ADAMTS13: variants seen among roughly 807,000 people sequenced by gnomAD.
ADAMTS13 encodes ADAM metallopeptidase with thrombospondin type 1 motif 13.
ADAMTS13 carries 110 observed loss-of-function variants against 155.1 expected under a neutral mutation model. The observed-to-expected ratio is 0.71, with a 90% CI of 0.61 to 0.83. ADAMTS13 has a LOEUF of 0.83. Ranked by LOEUF, ADAMTS13 falls within the 40% of genes least tolerant of loss-of-function variation. ADAMTS13 has a pLI of 0.00. For synonymous variants in ADAMTS13, 758 were observed against 756.4 expected (o/e 1.00, Z -0.03); for missense variants, 1,707 against 1,891.7 (o/e 0.90, Z 1.81).
At chr9:133,437,002 A>G in intron 12 of ADAMTS13, 47 bp downstream of exon 12, 2 of 1,571,846 alleles carry the variant, frequency 1.3e-6, no homozygotes, top group Non-Finnish European at 1.7e-6. Context: ...AGCCCTGGAG[A>G]CCCTCGGACA....
intron 2 of ADAMTS13, 150 bp downstream of exon 2, chr9:133,423,317 A>G (rs1840075327): frequency 1.3e-6 from 1 of 750,836 alleles, no homozygotes; most frequent in South Asian, 1.6e-5. Context: ...TAACTCTGTT[A>G]CTTCCTGCCA....
At chr9:133,433,826 T>G in intron 11 of ADAMTS13, 122 bp downstream of exon 11, 1 of 1,228,498 alleles carries the variant, frequency 8.1e-7, no homozygotes, top group African/African-American at 1.5e-5. Context: ...CCAGGTGAGG[T>G]GGCTTATGCC....
intron 21 of ADAMTS13, among the ~76,000 whole-genome samples, chr9:133,446,197 T>C (rs1554792575): frequency 6.6e-6 from 1 of 152,160 alleles, no homozygotes; most frequent in Non-Finnish European, 1.5e-5. Context: ...TATTATAAAA[T>C]TTACCATCCA....
intron 1 of ADAMTS13, chr9:133,415,082 C>T (rs1309507930): frequency 7.9e-6 from 10 of 1,258,752 alleles, no homozygotes; most frequent in South Asian, 2.9e-5. Context: ...AAAAAACTTA[C>T]GTGTGTATGT....
At chr9:133,432,386 G>A (rs150634076) in intron 8 of ADAMTS13, among the ~76,000 whole-genome samples, 3 of 152,370 alleles carry the variant, frequency 2.0e-5, no homozygotes, top group East Asian at 1.9e-4. Context: ...GCCCCCAAAA[G>A]TGTGACAGGA....
intron 16 of ADAMTS13, 102 bp from the exon 17 acceptor site, chr9:133,442,297 A>C: frequency 6.4e-7 from 1 of 1,565,430 alleles, no homozygotes; most frequent in African/African-American, 1.4e-5. Context: ...ACGAAAGATT[A>C]TAGGGATGCA....
At chr9:133,436,697 C>T (rs981946572) in intron 11 of ADAMTS13, 132 bp from the exon 12 acceptor site, 1 of 941,142 alleles carries the variant, frequency 1.1e-6, no homozygotes, top group African/African-American at 1.6e-5. Flanking sequence ...GAGCAGGGAA[C>T]CGAGGCACGG....
At chr9:133,428,284 C>G (rs949310119) in intron 6 of ADAMTS13, among the ~76,000 whole-genome samples, 3 of 152,258 alleles carry the variant, frequency 2.0e-5, no homozygotes, top group African/African-American at 7.2e-5. Context: ...GTCCCCAGAG[C>G]AGCCCTTCAA....
chr9:133,447,701 G>A (rs587740680), intron 21 of ADAMTS13, among the ~76,000 whole-genome samples: 1 of 151,680 alleles, frequency 6.6e-6, no homozygotes, highest in African/African-American at 2.4e-5. Flanking sequence ...CGATTCTCAT[G>A]CCTCAGCCTC....
chr9:133,438,292 G>C lies in ADAMTS13; in HGVS notation c.1631G>C (p.Arg544Thr). 6.2e-7 allele frequency: 1 copy of C among 1,614,180 alleles called. No homozygotes were observed. Among genetic ancestry groups the C allele is most frequent in the Non-Finnish European group, 8.5e-7 (1 of 1,180,036 alleles). ...ATGGACTCCCAGCAGGTATGGGACAGGTGCCAGGTGTGTGGTGGGGACAAC... is the reference window on the plus strand; with the variant it reads ...ATGGACTCCCAGCAGGTATGGGACACGTGCCAGGTGTGTGGTGGGGACAAC... Reference protein sequence around the residue: ...GRMDSQQVWDRCQVCGGDNST... With the variant: ...GRMDSQQVWDTCQVCGGDNST... Residue 544 changes from arginine (R) to threonine (T), a missense_variant, in exon 14 of 29, where the codon AGG (arginine) becomes ACG (threonine). Physicochemically the swap from Arg to Thr is moderately conservative, Grantham distance 71. Around this residue, in one of 3 missense-constraint regions of ADAMTS13, gnomAD observed 13 missense variants for 34.2 expected, o/e 0.38. Transcript: ENST00000355699.
At chr9:133,422,669 A>G (rs1053691598) in intron 1 of ADAMTS13, 121 bp downstream of exon 1, 1 of 975,870 alleles carries the variant, frequency 1.0e-6, no homozygotes, top group African/African-American at 1.6e-5. Flanking sequence ...TGCGCTGGGC[A>G]GGGGAGTCTG....
intron 1 of ADAMTS13, chr9:133,415,111 C>A: frequency 1.1e-6 from 1 of 889,058 alleles, no homozygotes; most frequent in Non-Finnish European, 1.7e-6. Context: ...ACATATACAC[C>A]AAACACATCT....
Position 133,456,075 on chromosome 9 carries a change from G to A in ADAMTS13, c.3407G>A (p.Cys1136Tyr), listed in dbSNP as rs1173372326. The stretch of plus-strand genomic sequence containing the variant: ...TCTCCTGCTCCCTTTTCAGGTGCCT[G>A]TGGCAGGCAGCACCTTGAGCCAACA... The part of the protein sequence containing the change: ...WAGPCVGQGA[C>Y]GRQHLEPTGT... The change falls in exon 26 of 29, where the codon TGT becomes TAT. Residue 1136 changes from cysteine to tyrosine, a missense_variant. Coordinates refer to ENST00000355699, the MANE Select transcript of ADAMTS13 (RefSeq NM_139027.6). This position sits in a 1 kb window ranked among gnomAD's most constrained non-coding sequence, Gnocchi z 4.4. 1 of 1,613,128 alleles carries A rather than the reference G, an allele frequency of 6.2e-7. No homozygotes were observed. The highest frequency in any genetic ancestry group is 8.5e-7 in the Non-Finnish European group (1 of 1,180,048).
In ADAMTS13 at chr9:133,443,712, G is replaced by T. The variant is rs587686031; in HGVS notation, c.2420+151G>T. On this transcript the variant is annotated intron_variant, in intron 19 of 28. Transcript: ENST00000355699. ...TGATGGGCAGTGTCACCTGGCGGTT[G>T]TAAGTGCTGCTGTCAGAGTTCCTTA... is the stretch of plus-strand genomic sequence containing the variant. The T allele has an allele frequency of 1.9e-5, 17 of 880,586 alleles. No individual in the cohort carries two copies. In the East Asian group the frequency reaches 3.6e-4, roughly 19 times the overall value. The allele number at this position is 880,586 out of a possible 1,614,324, so 54.5% of individuals were successfully genotyped here. A position where few individuals can be genotyped will look rare whatever the true frequency, so the allele number is the denominator to read the frequency against.
Position 133,422,435 on chromosome 9 carries a change from C to T in ADAMTS13, c.-9C>T, listed in dbSNP as rs782417016. On this transcript the variant is annotated 5_prime_UTR_variant, in exon 1 of 29. Transcript: ENST00000355699. ...CTCCGCTCCACTCCTCGGGCTGGCT[C>T]TCCTGAGGATGCACCAGCGTCACCC... 2.5e-6 allele frequency: 4 copies of T among 1,612,878 alleles called. No homozygotes were observed. The highest frequency in any genetic ancestry group is 1.1e-5 in the South Asian group (1 of 91,078).
intron 6 of ADAMTS13, among the ~76,000 whole-genome samples, chr9:133,428,007 A>G (rs1554785668): frequency 6.6e-6 from 1 of 152,054 alleles, no homozygotes; most frequent in Admixed American, 6.5e-5. Context: ...TGTTTTAGCT[A>G]GTCCTCTGGT....
intron 1 of ADAMTS13, among the ~76,000 whole-genome samples, chr9:133,416,633 A>G (rs3118663): frequency 0.51 from 78,265 of 152,074 alleles, 20,481 homozygotes; most frequent in African/African-American, 0.56. Context: ...AAGAGTGTCT[A>G]GGAGAGAGCA....
In ADAMTS13 at chr9:133,455,399, G is replaced by C. The variant is rs904056711; in HGVS notation, c.3364G>C (p.Val1122Leu). The C allele has an allele frequency of 6.2e-7, 1 of 1,612,660 alleles. No homozygotes were observed. The highest frequency in any genetic ancestry group is 8.5e-7 in the Non-Finnish European group (1 of 1,179,936). Residue 1122 changes from valine to leucine, a missense_variant, in exon 25 of 29, where the codon GTG (valine) becomes CTG (leucine). Transcript: ENST00000355699. ...FCQHLPKPVT[V>L]RGCWAGPCVG... Reference sequence around the variant, plus strand: ...CCAGCACTTGCCCAAGCCGGTGACTGTGCGTGGCTGCTGGGCTGGGCCCTG... The same window carrying C: ...CCAGCACTTGCCCAAGCCGGTGACTCTGCGTGGCTGCTGGGCTGGGCCCTG...
At chr9:133,437,929 G>A (rs1554789616) in intron 13 of ADAMTS13, 32 bp downstream of exon 13, 1 of 1,612,464 alleles carries the variant, frequency 6.2e-7, no homozygotes, top group East Asian at 2.2e-5. Context: ...CGATGGCCCT[G>A]GGGCCTACCT....
Sources: allele counts gnomAD v4.1 joint callset (sites outside exome capture counted in the v4.1 genomes callset), GRCh38; gene constraint gnomAD v4.1.1; regional missense constraint gnomAD v4.1.1; non-coding constraint Gnocchi (gnomAD v3.1); transcripts MANE v1.5; gene names NCBI Gene and HGNC (gene_info 2026-07-23, HGNC 2026-07-21).